Variants in SLC4A4 observed in about 807,000 individuals in gnomAD.
SLC4A4 encodes electrogenic sodium bicarbonate cotransporter 1.
SLC4A4 carries 27 observed loss-of-function variants against 111.5 expected under a neutral mutation model. The observed-to-expected ratio is 0.24, with a 90% CI of 0.18 to 0.33. The LOEUF is 0.33. Among genes scored for constraint, SLC4A4 ranks in the 10% least tolerant of loss-of-function variants. SLC4A4 has a pLI of 1.00. For missense variants in SLC4A4, 909 were observed against 1,315.5 expected (o/e 0.69, Z 4.78); for synonymous variants, 443 against 463.4 (o/e 0.96, Z 0.57).
intron 2 of SLC4A4, among the ~76,000 whole-genome samples, chr4:71,123,516 G>A (rs1375812669): frequency 1.3e-5 from 2 of 151,896 alleles, no homozygotes; most frequent in Non-Finnish European, 1.5e-5. Context: ...GACAAGAATG[G>A]GAAACTGAGT....
At chr4:71,173,976 G>T (rs1745014184) in intron 2 of SLC4A4, among the ~76,000 whole-genome samples, 1 of 152,136 alleles carries the variant, frequency 6.6e-6, no homozygotes, top group Admixed American at 6.5e-5. Context: ...CTATGTAGGT[G>T]TTGGCCATAT....
At chr4:71,066,632 C>T (rs1158816818) in intron 1 of SLC4A4, among the ~76,000 whole-genome samples, 1 of 152,124 alleles carries the variant, frequency 6.6e-6, no homozygotes. Flanking sequence ...TGAGAAAAGA[C>T]AAATTAATCA....
At chr4:71,353,041 GT>G (rs1268017590) in intron 5 of SLC4A4, among the ~76,000 whole-genome samples, 1 of 152,212 alleles carries the variant, frequency 6.6e-6, no homozygotes, top group Non-Finnish European at 1.5e-5. Context: ...CCGTTTTCAT[GT>G]TGTAGAAGAG....
At chr4:71,433,090 A>G (rs1202975694) in intron 7 of SLC4A4, among the ~76,000 whole-genome samples, 4 of 152,120 alleles carry the variant, frequency 2.6e-5, no homozygotes, top group Non-Finnish European at 5.9e-5. Context: ...ATAAGCTTTC[A>G]AAGTGACTGT....
intron 1 of SLC4A4, among the ~76,000 whole-genome samples, chr4:71,086,390 C>T (rs1742172500): frequency 6.6e-6 from 1 of 151,926 alleles, no homozygotes; most frequent in African/African-American, 2.4e-5. Context: ...ATTGAATACC[C>T]TTTATTTCTT....
In SLC4A4 at chr4:71,292,727, C is replaced by T. The variant is rs28526470; in HGVS notation, c.253+37328C>T. ...ATATTGAATTGAAATAATAAATAGG[C>T]GGGAAAAAATGAGAGGAAAAAAGAT... On this transcript the variant is annotated intron_variant, in intron 3 of 25. Coordinates refer to ENST00000264485, the MANE Select transcript of SLC4A4 (RefSeq NM_001098484.3). Among the ~76,000 whole-genome samples, 763 of 148,198 alleles carry T rather than the reference C, an allele frequency of 5.1e-3. 6 individuals are homozygous for T. Among genetic ancestry groups the T allele is most frequent in the South Asian group, 0.018 (83 of 4,654 alleles).
At chr4:71,129,092 A>G (rs1364358902) in intron 2 of SLC4A4, among the ~76,000 whole-genome samples, 1 of 152,238 alleles carries the variant, frequency 6.6e-6, no homozygotes, top group Non-Finnish European at 1.5e-5. Context: ...AGCAAGTGCA[A>G]CAAAAACAAA....
chr4:71,252,798 G>A (rs116831839), intron 2 of SLC4A4, among the ~76,000 whole-genome samples: 3,232 of 152,250 alleles, frequency 0.021, 45 homozygotes, highest in Non-Finnish European at 0.032. Context: ...TGGATTGGTG[G>A]AAATGTTCTA....
intron 3 of SLC4A4, among the ~76,000 whole-genome samples, chr4:71,330,974 GA>G (rs1293070605): frequency 3.3e-5 from 5 of 152,104 alleles, no homozygotes; most frequent in South Asian, 2.1e-4. Context: ...ACAGGCACAT[GA>G]AAAAATGCTC....
rs1457421801 is a variant in SLC4A4 at position 71,450,679 on chromosome 4, A to G, written c.1208+136A>G. The G allele has an allele frequency of 2.5e-5, 20 of 800,564 alleles. No individual in the cohort carries two copies. The Admixed American group carries it at 4.0e-4, about 16-fold the overall frequency. 49.6% of individuals were successfully genotyped at this position (800,564 alleles called of 1,614,324 possible). ...TGTTTAACTTGATGTATTTTCTCAAATGGATCACTTATGTGCCTTGGTTTC... is the reference window on the plus strand; with the variant it reads ...TGTTTAACTTGATGTATTTTCTCAAGTGGATCACTTATGTGCCTTGGTTTC... On this transcript the variant is annotated intron_variant, in intron 10 of 25. Coordinates refer to ENST00000264485, the MANE Select transcript of SLC4A4 (RefSeq NM_001098484.3).
rs1736849711 is a variant in SLC4A4 at position 71,560,245 on chromosome 4, CAAT to C, written c.3091_3093del (p.Asn1031del). The C allele has an allele frequency of 6.2e-7, 1 of 1,607,168 alleles. No individual in the cohort carries two copies. Among genetic ancestry groups the C allele is most frequent in the Admixed American group, 1.7e-5 (1 of 59,278 alleles). ...AGAAGAAGGGAAGTCTGGACAGTGA[CAAT>C]GATGATGTAAGGAACTTTCCAAATT... is the stretch of plus-strand genomic sequence containing the variant. On this transcript the variant is annotated inframe_deletion, in exon 23 of 26. Transcript: ENST00000264485.
chr4:71,318,271 T>G (rs1726849065), intron 3 of SLC4A4, among the ~76,000 whole-genome samples: 1 of 152,072 alleles, frequency 6.6e-6, no homozygotes, highest in African/African-American at 2.4e-5. Flanking sequence ...GAAACTGATT[T>G]CTGAAGTGAG....
At chr4:71,371,723 C>A (rs1316616733) in intron 6 of SLC4A4, among the ~76,000 whole-genome samples, 2 of 152,126 alleles carry the variant, frequency 1.3e-5, no homozygotes, top group African/African-American at 4.8e-5. Context: ...ACGTTGTTCT[C>A]TGATGTTTCA....
At chr4:71,370,083 TA>T (rs1731723626) in intron 6 of SLC4A4, among the ~76,000 whole-genome samples, 3 of 152,240 alleles carry the variant, frequency 2.0e-5, no homozygotes, top group Non-Finnish European at 4.4e-5. Context: ...TTTCCTTGAA[TA>T]ATAAAAGTTA....
chr4:71,558,836 G>A (rs1458457759), intron 22 of SLC4A4, among the ~76,000 whole-genome samples: 1 of 151,330 alleles, frequency 6.6e-6, no homozygotes, highest in African/African-American at 2.4e-5. Context: ...TTTCTTAATG[G>A]TGGCTTATGT....
intron 2 of SLC4A4, among the ~76,000 whole-genome samples, chr4:71,167,180 G>A (rs960498186): frequency 2.2e-4 from 33 of 152,052 alleles, no homozygotes; most frequent in Non-Finnish European, 2.9e-5. Context: ...TGCCTGTGTT[G>A]GGAAGACTTG....
intron 2 of SLC4A4, among the ~76,000 whole-genome samples, chr4:71,253,083 A>T (rs1721186423): frequency 6.6e-6 from 1 of 152,146 alleles, no homozygotes; most frequent in African/African-American, 2.4e-5. Flanking sequence ...GGAAATGGGG[A>T]TAGACAGAAT....
At chr4:71,141,281 C>CACATCATACACAGTGATGTGTA (rs1423729212) in intron 2 of SLC4A4, among the ~76,000 whole-genome samples, 7 of 152,164 alleles carry the variant, frequency 4.6e-5, no homozygotes, top group Non-Finnish European at 8.8e-5. Flanking sequence ...TCAGTATGAT[C>CACATCATACACAGTGATGTGTA]TTATAGCCAC....
intron 2 of SLC4A4, among the ~76,000 whole-genome samples, chr4:71,129,172 C>A (rs1221344404): frequency 6.6e-6 from 1 of 152,056 alleles, no homozygotes; most frequent in African/African-American, 2.4e-5. Context: ...ACAAAATAAA[C>A]AGACAACCTG....
Sources: allele counts gnomAD v4.1 joint callset (sites outside exome capture counted in the v4.1 genomes callset), GRCh38; gene constraint gnomAD v4.1.1; transcripts MANE v1.5; gene names NCBI Gene and HGNC (gene_info 2026-07-23, HGNC 2026-07-21).